The following OSBPL10 variants were observed in gnomAD, a reference collection of about 807,000 sequenced individuals.
The protein encoded by OSBPL10 is oxysterol binding protein like 10.
A neutral mutation model predicts 81.7 loss-of-function variants in OSBPL10; 49 were observed. The observed-to-expected ratio is 0.60, with a 90% confidence interval of 0.48 to 0.76. OSBPL10 has a LOEUF of 0.76. OSBPL10 is among the 30% of genes least tolerant of loss of function. The pLI, the probability that OSBPL10 is intolerant of heterozygous loss-of-function variation, is 0.00. For missense variants in OSBPL10, 923 were observed against 987.8 expected (o/e 0.93, Z 0.88); for synonymous variants, 419 against 383.6 (o/e 1.09, Z -1.08).
chr3:31,721,725 G>A (rs965034547), intron 6 of OSBPL10: 2 of 152,132 alleles, frequency 1.3e-5, no homozygotes, highest in Non-Finnish European at 2.9e-5. Flanking sequence ...GACAACACAC[G>A]TTCTTAAGTG....
At chr3:31,837,070 C>T (rs1700372538) in intron 3 of OSBPL10, among the ~76,000 whole-genome samples, 1 of 151,940 alleles carries the variant, frequency 6.6e-6, no homozygotes, top group Non-Finnish European at 1.5e-5. Context: ...TCAGAAAACA[C>T]CTGATTAGAG....
chr3:32,055,795 G>C (rs1042300051), intron 1 of OSBPL10, among the ~76,000 whole-genome samples: 2 of 152,078 alleles, frequency 1.3e-5, no homozygotes, highest in African/African-American at 4.8e-5. Context: ...TCCTGTACAG[G>C]GTCCCTAATC....
Position 31,879,935 on chromosome 3 carries a change from T to C in OSBPL10, c.282-105A>G, listed in dbSNP as rs985673752. 29 of 1,228,460 alleles carry C rather than the reference T, an allele frequency of 2.4e-5. No individual in the cohort carries two copies. The South Asian group carries it at 4.6e-4, about 20-fold the overall frequency. 76.1% of individuals were successfully genotyped at this position (1,228,460 alleles called of 1,614,324 possible). On this transcript the variant is annotated intron_variant, in intron 1 of 11. Coordinates refer to ENST00000396556, the MANE Select transcript of OSBPL10 (RefSeq NM_017784.5). ...CAGAAGTCAACATCAAGACTCCACA[T>C]CCATGAAGCTGGAAACCAAAAGTCC...
chr3:31,809,717 A>G (rs1008876430), intron 4 of OSBPL10, among the ~76,000 whole-genome samples: 5 of 152,324 alleles, frequency 3.3e-5, no homozygotes, highest in African/African-American at 1.2e-4. Flanking sequence ...TGAATGTGCC[A>G]ACAAACCAGA....
chr3:31,667,170 T>C (rs1700212151), intron 10 of OSBPL10, among the ~76,000 whole-genome samples: 1 of 152,278 alleles, frequency 6.6e-6, no homozygotes, highest in Non-Finnish European at 1.5e-5. Flanking sequence ...TGTCATGATA[T>C]GAACCACAGG....
In OSBPL10 at chr3:31,929,476, G is replaced by A. The variant is rs142125462; in HGVS notation, c.282-49646C>T. 3.9e-3 allele frequency among the ~76,000 whole-genome samples: 594 copies of A among 152,214 alleles called. 13 individuals are homozygous for A. Among genetic ancestry groups the A allele is most frequent in the Admixed American group, 0.034 (515 of 15,278 alleles). On this transcript the variant is annotated intron_variant, in intron 1 of 11. Transcript: ENST00000396556. ...AAAAAGTAAAATATCGGCCGGGCGC[G>A]GTGGCTCACGCCTGTAATACCAGCA...
In OSBPL10 at chr3:31,875,990, C is replaced by T. The variant is rs572234093; in HGVS notation, c.537+443G>A. 1.1e-3 allele frequency among the ~76,000 whole-genome samples: 164 copies of T among 152,106 alleles called. 1 individual carries two copies. The highest frequency in any genetic ancestry group is 7.1e-3 in the South Asian group (34 of 4,796). ...AATCATACTTGGATGCCAAATTACC[C>T]GAGAACATTTTGATACACTAGGAAT... On this transcript the variant is annotated intron_variant, in intron 3 of 11. Transcript: ENST00000396556.
intron 1 of OSBPL10, among the ~76,000 whole-genome samples, chr3:31,883,735 T>C (rs1210544409): frequency 6.6e-6 from 1 of 152,148 alleles, no homozygotes; most frequent in Non-Finnish European, 1.5e-5. Flanking sequence ...TTTCGCCATG[T>C]TGGCCAGGCA....
intron 1 of OSBPL10, among the ~76,000 whole-genome samples, chr3:31,905,344 G>GTTTTTTTTTTTTTTTTTTTTTTTTTTTTT: frequency 1.4e-5 from 1 of 70,720 alleles, no homozygotes; most frequent in Admixed American, 1.8e-4. Flanking sequence ...GGAACCTGGT[G>GTTTTTTTTTTTTTTTTTTTTTTTTTTTTT]ATTTTTTTTT....
intron 1 of OSBPL10, among the ~76,000 whole-genome samples, chr3:31,932,624 T>C (rs558530168): frequency 3.5e-4 from 54 of 152,222 alleles, no homozygotes; most frequent in Admixed American, 2.2e-3. Context: ...ACCTGAATAA[T>C]ATTAAAGTCC....
chr3:31,927,200 ATAAAT>A (rs142356404), intron 1 of OSBPL10, among the ~76,000 whole-genome samples: 3,176 of 152,318 alleles, frequency 0.021, 123 homozygotes, highest in African/African-American at 0.071. Context: ...CAAATCTGAA[ATAAAT>A]TAAAACTATT....
chr3:31,871,540 C>G (rs1453754587), intron 3 of OSBPL10, among the ~76,000 whole-genome samples: 1 of 152,234 alleles, frequency 6.6e-6, no homozygotes, highest in Non-Finnish European at 1.5e-5. Flanking sequence ...CACCACTTTT[C>G]CTATCCTAGA....
At position 31,923,226 on chromosome 3, in the gene OSBPL10, G is replaced by A. The variant is rs533659622; in HGVS notation, c.282-43396C>T. ...TCCAGACTGGTGGAGGAAAGGGGTG[G>A]GGAGCTAAACCACCAATTTGGTTAA... On this transcript the variant is annotated intron_variant, in intron 1 of 11. Transcript: ENST00000396556. Among the ~76,000 whole-genome samples the A allele has an allele frequency of 2.0e-5, 3 of 152,180 alleles. No homozygotes were observed. The South Asian group carries it at 6.2e-4, about 32-fold the overall frequency.
chr3:31,749,523 T>C lies in OSBPL10; in HGVS notation c.730-1403A>G, dbSNP rs527718487. On this transcript the variant is annotated intron_variant, in intron 4 of 11. Transcript: ENST00000396556. ...CTCATTTCTTCTCCAGGTCTTTGTT[T>C]AAAAGTCACCTTTTTAGCTGCTTGC... 3.3e-5 allele frequency among the ~76,000 whole-genome samples: 5 copies of C among 152,362 alleles called. No homozygotes were observed. The South Asian group carries it at 1.0e-3, about 32-fold the overall frequency.
intron 2 of OSBPL10, among the ~76,000 whole-genome samples, chr3:32,036,978 C>T (rs745996811): frequency 6.6e-6 from 1 of 152,166 alleles, no homozygotes; most frequent in Admixed American, 6.6e-5. Flanking sequence ...TTGATCTAAA[C>T]TGATCTAAAC....
At chr3:31,677,723 C>A (rs1700516480) in intron 8 of OSBPL10, among the ~76,000 whole-genome samples, 1 of 152,146 alleles carries the variant, frequency 6.6e-6, no homozygotes, top group South Asian at 2.1e-4. Flanking sequence ...AACAGAGGAG[C>A]TATGATCCTG....
intron 1 of OSBPL10, among the ~76,000 whole-genome samples, chr3:31,945,772 G>A (rs1575052389): frequency 6.6e-6 from 1 of 152,132 alleles, no homozygotes; most frequent in East Asian, 1.9e-4. Context: ...TTGTTTCTGT[G>A]ACACAGCCTG....
chr3:31,841,015 T>C (rs1376245319), intron 3 of OSBPL10, among the ~76,000 whole-genome samples: 3 of 152,210 alleles, frequency 2.0e-5, no homozygotes. Flanking sequence ...TTCAAGCGAT[T>C]TTCTTGCCTC....
At chr3:31,803,068 A>G (rs1038583298) in intron 4 of OSBPL10, among the ~76,000 whole-genome samples, 2 of 150,250 alleles carry the variant, frequency 1.3e-5, no homozygotes, top group Admixed American at 6.7e-5. Flanking sequence ...CACATGATTC[A>G]GTGAGAATCC....
Sources: allele counts gnomAD v4.1 joint callset (sites outside exome capture counted in the v4.1 genomes callset), GRCh38; gene constraint gnomAD v4.1.1; transcripts MANE v1.5; gene names NCBI Gene and HGNC (gene_info 2026-07-23, HGNC 2026-07-21).